NBR1: variants seen among roughly 807,000 people sequenced by gnomAD.
The protein encoded by NBR1 is NBR1 autophagy cargo receptor, also known as next to BRCA1 gene 1 protein.
A neutral mutation model predicts 115.5 loss-of-function variants in NBR1; 59 were observed. The observed-to-expected ratio is 0.51, with a 90% CI of 0.41 to 0.63. The LOEUF is 0.63. NBR1 is among the 30% of genes least tolerant of loss of function. The probability of loss-of-function intolerance (pLI) is 0.00; values close to 1 mark genes in which losing one functional copy is unlikely to be tolerated. For missense variants in NBR1, 1,043 were observed against 1,150.5 expected (o/e 0.91, Z 1.35); for synonymous variants, 373 against 414.7 (o/e 0.90, Z 1.22).
At chr17:43,183,652 C>G (rs956232538) in intron 5 of NBR1, among the ~76,000 whole-genome samples, 12 of 152,270 alleles carry the variant, frequency 7.9e-5, no homozygotes, top group Non-Finnish European at 1.8e-4. Flanking sequence ...GTGTGCATCA[C>G]CACACTTGGC....
chr17:43,210,644 C>G lies in NBR1; in HGVS notation c.*570C>G, dbSNP rs1395326865. 2.5e-6 allele frequency: 1 copy of G among 398,464 alleles called. No homozygotes were observed. 24.7% of individuals were successfully genotyped at this position (398,464 alleles called of 1,614,324 possible). On this transcript the variant is annotated 3_prime_UTR_variant, in exon 21 of 21. Transcript: ENST00000590996. ...TCCTGCAATACTTAATAATTGGCAC[C>G]GTTGCTTTCTAAAGACTCCATGGTG...
At chr17:43,201,612 CTG>C (rs758270331) in intron 17 of NBR1, 72 bp from the exon 18 acceptor site, 127 of 853,338 alleles carry the variant, frequency 1.5e-4, no homozygotes, top group Non-Finnish European at 2.3e-4. Context: ...CACTGCTGTG[CTG>C]TGTTTACTAT....
chr17:43,196,489 C>T lies in NBR1; in HGVS notation c.1759C>T (p.Pro587Ser), dbSNP rs1285828589. 6.4e-7 allele frequency: 1 copy of T among 1,574,352 alleles called. No individual in the cohort carries two copies. The highest frequency in any genetic ancestry group is 8.6e-7 in the Non-Finnish European group (1 of 1,164,564). Residue 587 changes from proline (P) to serine (S), a missense_variant, in exon 15 of 21, where the codon CCC becomes TCC. Pro to Ser is a moderately conservative substitution (Grantham distance 74). Transcript: ENST00000590996. Reference protein sequence around the residue: ...VPHNTPVDVTPCMSPLPHDSP... With the variant: ...VPHNTPVDVTSCMSPLPHDSP... The stretch of plus-strand genomic sequence containing the variant: ...CTGTCTTCATTCTCCAGATGTGACT[C>T]CCTGCATGTCTCCTCTGCCACATGA...
intron 6 of NBR1, among the ~76,000 whole-genome samples, chr17:43,188,553 G>T (rs1175607141): frequency 2.0e-5 from 3 of 152,092 alleles, no homozygotes; most frequent in Non-Finnish European, 4.4e-5. Flanking sequence ...GTCCTAAATG[G>T]TATTGCCTAG....
chr17:43,194,238 G>GT, intron 12 of NBR1, 112 bp from the exon 13 acceptor site: 1 of 1,001,342 alleles, frequency 1.0e-6, no homozygotes, highest in Non-Finnish European at 1.5e-6. Flanking sequence ...CAAAAACATT[G>GT]TTTTTTAAAA....
chr17:43,199,593 C>T (rs2057149085), intron 16 of NBR1, among the ~76,000 whole-genome samples: 1 of 152,004 alleles, frequency 6.6e-6, no homozygotes, highest in East Asian at 1.9e-4. Context: ...GCCAGGATGG[C>T]CTTGATATCC....
At chr17:43,209,518 A>C in intron 20 of NBR1, 1 of 1,462,542 alleles carries the variant, frequency 6.8e-7, no homozygotes, top group Non-Finnish European at 9.3e-7. Flanking sequence ...TATCTTGCTC[A>C]TACTTCCCCC....
intron 20 of NBR1, 57 bp from the exon 21 acceptor site, chr17:43,209,844 A>G: frequency 1.4e-6 from 2 of 1,465,444 alleles, no homozygotes; most frequent in Non-Finnish European, 1.8e-6. Context: ...TATAAAATAA[A>G]CATTTAAATT....
upstream of NBR1, chr17:43,170,728 A>C (rs2056331478): frequency 6.6e-6 from 1 of 152,268 alleles, no homozygotes; most frequent in African/African-American, 2.4e-5. Flanking sequence ...ATGGAGAGGA[A>C]CATCCAATAC....
intron 5 of NBR1, among the ~76,000 whole-genome samples, chr17:43,181,234 G>A (rs896454078): frequency 3.3e-5 from 5 of 152,196 alleles, no homozygotes; most frequent in Admixed American, 2.0e-4. Flanking sequence ...AGACTAGTAC[G>A]TATAAACACA....
Position 43,193,569 on chromosome 17 carries a change from G to A in NBR1, c.1455G>A (p.Glu485=), listed in dbSNP as rs374886333. Residue 485 remains glutamate (E), a synonymous_variant, in exon 12 of 21, where the codon GAG becomes GAA. Transcript: ENST00000590996. The part of the protein sequence containing the change: ...SIIVDPFPSE[E]SPDNIEKGMI... Reference sequence around the variant, plus strand: ...TAGTAGATCCTTTCCCCTCCGAAGAGAGCCCTGATAACATTGAAAAGGGCA... The same window carrying A: ...TAGTAGATCCTTTCCCCTCCGAAGAAAGCCCTGATAACATTGAAAAGGGCA... 8 of 1,612,384 alleles carry A rather than the reference G, an allele frequency of 5.0e-6. No individual in the cohort carries two copies. In the African/African-American group the frequency reaches 1.1e-4, roughly 22 times the overall value.
At chr17:43,179,267 C>A in intron 3 of NBR1, 127 bp from the exon 4 acceptor site, 3 of 756,114 alleles carry the variant, frequency 4.0e-6, no homozygotes, top group Non-Finnish European at 6.9e-6. Flanking sequence ...TCATGACTAG[C>A]AAGTGATATG....
chr17:43,178,365 C>G (rs1008364406), intron 3 of NBR1, among the ~76,000 whole-genome samples: 2 of 129,254 alleles, frequency 1.5e-5, no homozygotes, highest in Admixed American at 7.9e-5. Context: ...CCTGAGAGAA[C>G]CTTTTTTTTT....
At chr17:43,173,240 C>T (rs1180149381) in intron 1 of NBR1, among the ~76,000 whole-genome samples, 2 of 152,152 alleles carry the variant, frequency 1.3e-5, no homozygotes, top group African/African-American at 4.8e-5. Context: ...GCCTCAGCCT[C>T]CCAAAGTGCT....
chr17:43,176,734 C>T (rs1473139794), intron 2 of NBR1: 1 of 151,574 alleles, frequency 6.6e-6, no homozygotes, highest in Admixed American at 6.6e-5. Context: ...AATCAGTTAT[C>T]TTTCTTTTCC....
intron 13 of NBR1, 29 bp downstream of exon 13, chr17:43,194,528 G>A: frequency 1.2e-6 from 2 of 1,612,742 alleles, no homozygotes; most frequent in Non-Finnish European, 1.7e-6. Flanking sequence ...TGAAGGGCAA[G>A]GGACAGAGGG....
At chr17:43,179,321 G>A (rs2056605786) in intron 3 of NBR1, 73 bp from the exon 4 acceptor site, 2 of 1,399,320 alleles carry the variant, frequency 1.4e-6, no homozygotes, top group African/African-American at 2.8e-5. Flanking sequence ...GTCCTATGGG[G>A]CTGGTCCTAG....
At position 43,193,141 on chromosome 17, in the gene NBR1, C is replaced by T; in HGVS notation, c.1121C>T (p.Ala374Val). ...CTSVMPMLSA[A>V]FVDENLPDGT... ...TCCGTTATGCCAATGCTCAGTGCAG[C>T]ATTTGTGGATGAGAATTTGCCTGAT... The change falls in exon 11 of 21, where the codon GCA becomes GTA. Residue 374 changes from alanine (A) to valine (V), a missense_variant. Ala to Val is a moderately conservative substitution (Grantham distance 64, BLOSUM62 0). Coordinates refer to ENST00000590996, the MANE Select transcript of NBR1 (RefSeq NM_005899.5). The T allele has an allele frequency of 6.2e-7, 1 of 1,613,958 alleles. No homozygotes were observed. The highest frequency in any genetic ancestry group is 8.5e-7 in the Non-Finnish European group (1 of 1,179,872).
At chr17:43,191,695 A>ACTTAAAGCCCTTAACACCTAAAT in intron 10 of NBR1, 114 bp downstream of exon 10, 1 of 677,042 alleles carries the variant, frequency 1.5e-6, no homozygotes, top group Non-Finnish European at 2.5e-6. Context: ...AATCTTTAAA[A>ACTTAAAGCCCTTAACACCTAAAT]CTTTCCATTA....
Sources: gnomAD v4.1 joint callset for allele counts (sites outside exome capture counted in the v4.1 genomes callset) on GRCh38, gnomAD v4.1.1 for gene constraint, MANE v1.5 for transcripts, NCBI Gene and HGNC (gene_info 2026-07-23, HGNC 2026-07-21) for gene names.